DSCAML1: variants seen among roughly 807,000 people sequenced by gnomAD.
The protein encoded by DSCAML1 is DS cell adhesion molecule like 1.
In DSCAML1, 38 loss-of-function variants were observed where a neutral mutation model predicts 200.5. The observed-to-expected ratio is 0.19, with a 90% CI of 0.15 to 0.25. DSCAML1 has a LOEUF of 0.25. Ranked by LOEUF, DSCAML1 falls within the 10% of genes least tolerant of loss-of-function variation. DSCAML1 has a pLI of 1.00. For missense variants in DSCAML1, 2,223 were observed against 2,858.8 expected, an observed-to-expected ratio of 0.78 and a Z score of 5.07; for synonymous variants, 1,215 against 1,165.0, an observed-to-expected ratio of 1.04 and a Z score of -0.87.
At chr11:117,569,621 T>G (rs2050812847) in intron 3 of DSCAML1, among the ~76,000 whole-genome samples, 1 of 152,180 alleles carries the variant, frequency 6.6e-6, no homozygotes, top group Non-Finnish European at 1.5e-5. Flanking sequence ...TGTACTACCT[T>G]GGCTAAGGTG....
At chr11:117,587,264 C>T (rs533790450) in intron 3 of DSCAML1, among the ~76,000 whole-genome samples, 7 of 150,148 alleles carry the variant, frequency 4.7e-5, no homozygotes, top group South Asian at 2.2e-4. Context: ...CCCCCCCCCA[C>T]GATTTAGATA....
At chr11:117,736,808 G>T (rs1032734721) in intron 3 of DSCAML1, among the ~76,000 whole-genome samples, 4 of 152,182 alleles carry the variant, frequency 2.6e-5, no homozygotes, top group African/African-American at 4.8e-5. Flanking sequence ...GGAAGACATC[G>T]TTCACACAGT....
At chr11:117,630,634 T>G in intron 3 of DSCAML1, among the ~76,000 whole-genome samples, 1 of 116,146 alleles carries the variant, frequency 8.6e-6, no homozygotes, top group Non-Finnish European at 1.6e-5. Context: ...TCTTACAGAT[T>G]TGGAAACTGA....
Position 117,762,868 on chromosome 11 carries a change from G to GTAATAATAATAATAATAA in DSCAML1, c.511+13905_511+13922dup, listed in dbSNP as rs58166401. Among the ~76,000 whole-genome samples, 1,204 of 146,648 alleles carry GTAATAATAATAATAATAA rather than the reference G, an allele frequency of 8.2e-3. 3 individuals are homozygous for GTAATAATAATAATAATAA. Among genetic ancestry groups the GTAATAATAATAATAATAA allele is most frequent in the East Asian group, 0.015 (77 of 5,054 alleles). ...ACAGAGTGAGACTCTGTCTCAAATA[G>GTAATAATAATAATAATAA]TAATAATAATAATAATAATAATAAT... On this transcript the variant is annotated intron_variant, in intron 3 of 32. Coordinates refer to ENST00000651296, the MANE Select transcript of DSCAML1 (RefSeq NM_020693.4).
intron 3 of DSCAML1, among the ~76,000 whole-genome samples, chr11:117,588,248 C>T (rs1397571062): frequency 2.0e-5 from 3 of 152,064 alleles, no homozygotes; most frequent in East Asian, 1.9e-4. Flanking sequence ...GCTCGGGGGT[C>T]GGGGGCTGCC....
At chr11:117,575,674 A>G (rs188829211) in intron 3 of DSCAML1, among the ~76,000 whole-genome samples, 69 of 152,278 alleles carry the variant, frequency 4.5e-4, no homozygotes, top group Non-Finnish European at 4.7e-4. Context: ...AACAATAAAA[A>G]AAACCCAAAG....
At chr11:117,483,920 C>T (rs1187163442) in intron 11 of DSCAML1, among the ~76,000 whole-genome samples, 4 of 151,880 alleles carry the variant, frequency 2.6e-5, no homozygotes, top group Admixed American at 2.0e-4. Flanking sequence ...TACCTCTTGT[C>T]ACAGCAGAGA....
intron 3 of DSCAML1, among the ~76,000 whole-genome samples, chr11:117,592,817 C>T (rs1022851137): frequency 1.3e-5 from 2 of 152,228 alleles, no homozygotes; most frequent in East Asian, 1.9e-4. Flanking sequence ...AGACCTGGCA[C>T]CCGGGCAGTC....
chr11:117,649,804 G>C (rs2052591852), intron 3 of DSCAML1, among the ~76,000 whole-genome samples: 1 of 152,182 alleles, frequency 6.6e-6, no homozygotes, highest in African/African-American at 2.4e-5. Flanking sequence ...CCCTCTCCCT[G>C]AACAGGTCCA....
intron 3 of DSCAML1, among the ~76,000 whole-genome samples, chr11:117,666,402 C>G (rs561906821): frequency 6.6e-6 from 1 of 152,176 alleles, no homozygotes; most frequent in Non-Finnish European, 1.5e-5. Context: ...AATAGTCAGA[C>G]GCCTACATTA....
intron 3 of DSCAML1, among the ~76,000 whole-genome samples, chr11:117,588,489 C>T (rs2051194202): frequency 6.6e-6 from 1 of 152,214 alleles, no homozygotes; most frequent in Admixed American, 6.5e-5. Flanking sequence ...GTCCCCTCCC[C>T]TGCAGTCCCC....
intron 3 of DSCAML1, among the ~76,000 whole-genome samples, chr11:117,544,256 A>G (rs2050329254): frequency 6.6e-6 from 1 of 152,228 alleles, no homozygotes; most frequent in Non-Finnish European, 1.5e-5. Context: ...TGCAATCAAT[A>G]CAGGTTACCA....
chr11:117,576,322 C>A (rs950992210), intron 3 of DSCAML1, among the ~76,000 whole-genome samples: 1 of 152,126 alleles, frequency 6.6e-6, no homozygotes, highest in African/African-American at 2.4e-5. Flanking sequence ...ACTCCCCTTC[C>A]CAGAGGTGAG....
At position 117,627,174 on chromosome 11, in the gene DSCAML1, G is replaced by A. The variant is rs191935829; in HGVS notation, c.512-94652C>T. 7.2e-5 allele frequency among the ~76,000 whole-genome samples: 11 copies of A among 152,180 alleles called. 1 individual carries two copies. The highest frequency in any genetic ancestry group is 2.4e-4 in the African/African-American group (10 of 41,516). On this transcript the variant is annotated intron_variant, in intron 3 of 32. Transcript: ENST00000651296. ...TAATTTATTCTTTTTCTTCTCTTGC[G>A]GATGTGACCGTGCTTATCCCGTTGT... is the stretch of plus-strand genomic sequence containing the variant.
At chr11:117,782,947 G>A (rs2055289720) in intron 1 of DSCAML1, among the ~76,000 whole-genome samples, 1 of 151,918 alleles carries the variant, frequency 6.6e-6, no homozygotes, top group African/African-American at 2.4e-5. Context: ...CTCAGACTTT[G>A]GCAATCTGGC....
chr11:117,456,786 T>C (rs2048379090), intron 19 of DSCAML1, among the ~76,000 whole-genome samples: 1 of 151,456 alleles, frequency 6.6e-6, no homozygotes, highest in South Asian at 2.1e-4. Context: ...GCGATTCTCG[T>C]GTTTCAGCCT....
At chr11:117,684,185 T>A (rs1050631956) in intron 3 of DSCAML1, among the ~76,000 whole-genome samples, 1 of 152,148 alleles carries the variant, frequency 6.6e-6, no homozygotes, top group Non-Finnish European at 1.5e-5. Context: ...CCTGTGCCCA[T>A]GTGCCAATCA....
At chr11:117,779,439 T>A in intron 2 of DSCAML1, among the ~76,000 whole-genome samples, 1 of 152,138 alleles carries the variant, frequency 6.6e-6, no homozygotes, top group Non-Finnish European at 1.5e-5. Flanking sequence ...CCACCTACTC[T>A]TCCAAAGACC....
intron 3 of DSCAML1, among the ~76,000 whole-genome samples, chr11:117,773,228 C>G (rs1323211011): frequency 1.3e-5 from 2 of 152,176 alleles, no homozygotes; most frequent in Non-Finnish European, 2.9e-5. Flanking sequence ...ATGAGGGCCC[C>G]CTCCTCCCAG....
Sources: allele counts gnomAD v4.1 joint callset (sites outside exome capture counted in the v4.1 genomes callset), GRCh38; gene constraint gnomAD v4.1.1; transcripts MANE v1.5; gene names NCBI Gene and HGNC (gene_info 2026-07-23, HGNC 2026-07-21).